The following RUNX1 variants were observed in gnomAD, a reference collection of about 807,000 sequenced individuals.
RUNX1 encodes the protein RUNX family transcription factor 1.
In RUNX1, 19 loss-of-function variants were observed where a neutral mutation model predicts 42.8. The observed-to-expected ratio is 0.44, with a 90% CI of 0.31 to 0.65. RUNX1 has a LOEUF of 0.65. Ranked by LOEUF, RUNX1 falls within the 30% of genes least tolerant of loss-of-function variation. The pLI, the probability that RUNX1 is intolerant of heterozygous loss-of-function variation, is 0.07. For synonymous variants in RUNX1, 271 were observed against 289.4 expected (o/e 0.94, Z 0.64); for missense variants, 528 against 672.0 (o/e 0.79, Z 2.37).
chr21:34,836,690 T>A (rs1369249592), intron 6 of RUNX1, among the ~76,000 whole-genome samples: 1 of 152,230 alleles, frequency 6.6e-6, no homozygotes, highest in Non-Finnish European at 1.5e-5. Context: ...CGGCAAAGGC[T>A]GCCGGCAGGT....
intron 2 of RUNX1, among the ~76,000 whole-genome samples, chr21:35,003,758 C>G (rs1161044970): frequency 6.6e-6 from 1 of 152,186 alleles, no homozygotes; most frequent in Non-Finnish European, 1.5e-5. Context: ...CCCACTGTCT[C>G]TCTGAGAGGA....
intron 2 of RUNX1, among the ~76,000 whole-genome samples, chr21:35,041,666 T>C (rs1387984711): frequency 2.7e-5 from 4 of 150,692 alleles, no homozygotes; most frequent in Non-Finnish European, 4.4e-5. Flanking sequence ...CTTTCTTTTT[T>C]TTTTTTTTTT....
chr21:34,964,916 GCA>G (rs1282354839), intron 2 of RUNX1, among the ~76,000 whole-genome samples: 2 of 152,026 alleles, frequency 1.3e-5, no homozygotes, highest in African/African-American at 2.4e-5. Flanking sequence ...TCACACGCAT[GCA>G]CACTTATGCT....
At chr21:34,915,305 A>AGGGAAGAAT (rs1306850728) in intron 2 of RUNX1, among the ~76,000 whole-genome samples, 2 of 152,208 alleles carry the variant, frequency 1.3e-5, no homozygotes, top group African/African-American at 4.8e-5. Flanking sequence ...ATTAATGACT[A>AGGGAAGAAT]TGTGGAGACA....
chr21:35,032,127 A>C lies in RUNX1; in HGVS notation c.58+16715T>G, dbSNP rs368764621. ...TCCTACAGATTGTTTGACACATGCCACAAGCCTTGAAATGGAAAAGGAACA... is the reference window on the plus strand; with the variant it reads ...TCCTACAGATTGTTTGACACATGCCCCAAGCCTTGAAATGGAAAAGGAACA... On this transcript the variant is annotated intron_variant, in intron 2 of 8. Coordinates refer to ENST00000675419, the MANE Select transcript of RUNX1 (RefSeq NM_001754.5). Among the ~76,000 whole-genome samples, 22 of 152,328 alleles carry C rather than the reference A, an allele frequency of 1.4e-4. No homozygotes were observed. In the South Asian group the frequency reaches 4.6e-3, roughly 32 times the overall value.
In RUNX1 at chr21:34,821,574, T is replaced by C. The variant is rs2018329; in HGVS notation, c.805+12836A>G. ...CTCATAACGTGCATTCTGAGGGCTG[T>C]CATCTTTCTTCTGAGTCTCTTCTGA... On this transcript the variant is annotated intron_variant, in intron 7 of 8. Coordinates refer to ENST00000675419, the MANE Select transcript of RUNX1 (RefSeq NM_001754.5). 0.89 allele frequency: 1,376,741 copies of C among 1,543,860 alleles called. 617,398 individuals are homozygous for C. The highest frequency in any genetic ancestry group is 1 in the East Asian group (40,717 of 40,778).
intron 2 of RUNX1, among the ~76,000 whole-genome samples, chr21:34,982,714 C>T (rs547403696): frequency 2.0e-5 from 3 of 152,038 alleles, no homozygotes; most frequent in Admixed American, 6.6e-5. Context: ...GGATTACAGG[C>T]GCGTGCCACA....
chr21:34,900,853 T>C (rs573776463), intron 2 of RUNX1, among the ~76,000 whole-genome samples: 1 of 152,356 alleles, frequency 6.6e-6, no homozygotes, highest in African/African-American at 2.4e-5. Context: ...AATTGGAGGT[T>C]CTATTTTTAA....
At chr21:34,810,672 A>T (rs1218490387) in intron 7 of RUNX1, among the ~76,000 whole-genome samples, 20 of 152,052 alleles carry the variant, frequency 1.3e-4, no homozygotes, top group African/African-American at 4.8e-4. Flanking sequence ...CCATAAGGAG[A>T]TGTTATTGCA....
At chr21:34,986,464 T>C (rs966398998) in intron 2 of RUNX1, among the ~76,000 whole-genome samples, 4 of 151,330 alleles carry the variant, frequency 2.6e-5, no homozygotes, top group Non-Finnish European at 4.4e-5. Flanking sequence ...CATGGTTCCC[T>C]ATGTGTCTCC....
chr21:34,967,256 G>T (rs2058726119), intron 2 of RUNX1, among the ~76,000 whole-genome samples: 1 of 137,206 alleles, frequency 7.3e-6, no homozygotes. Flanking sequence ...GGAGGTGGAG[G>T]TTGCAGTGAG....
intron 2 of RUNX1, among the ~76,000 whole-genome samples, chr21:34,961,398 A>G (rs1022510317): frequency 6.6e-5 from 10 of 152,002 alleles, no homozygotes; most frequent in Admixed American, 5.2e-4. Flanking sequence ...AATAATAACA[A>G]TAACAGAAAC....
At chr21:35,010,792 TG>T (rs1160864752) in intron 2 of RUNX1, among the ~76,000 whole-genome samples, 3 of 152,174 alleles carry the variant, frequency 2.0e-5, no homozygotes, top group African/African-American at 7.2e-5. Flanking sequence ...ATTTTCAATG[TG>T]AAAATAAAAT....
chr21:34,957,522 G>A (rs2058653138), intron 2 of RUNX1, among the ~76,000 whole-genome samples: 1 of 152,142 alleles, frequency 6.6e-6, no homozygotes, highest in Non-Finnish European at 1.5e-5. Flanking sequence ...TACCTCTCCA[G>A]TGCCACCTGG....
In RUNX1 at chr21:34,788,131, C is replaced by T. The variant is rs911720017; in HGVS notation, c.*4004G>A. On this transcript the variant is annotated 3_prime_UTR_variant, in exon 9 of 9. Transcript: ENST00000675419. ...GTTCCCCTTTAAGAAGCATTCCATA[C>T]GTTTGTACCAGGGAGAAAGAAGCCC... The T allele has an allele frequency of 2.6e-5, 6 of 233,354 alleles. No homozygotes were observed. The highest frequency in any genetic ancestry group is 1.1e-4 in the African/African-American group (5 of 45,464). 14.5% of individuals were successfully genotyped at this position (233,354 alleles called of 1,614,324 possible). A position where few individuals can be genotyped will look rare whatever the true frequency, so the allele number is the denominator to read the frequency against.
chr21:34,850,809 A>C (rs957534792), intron 6 of RUNX1, among the ~76,000 whole-genome samples: 2 of 152,202 alleles, frequency 1.3e-5, no homozygotes, highest in African/African-American at 4.8e-5. Flanking sequence ...TAAAAAAAAA[A>C]GTGTACCATT....
At chr21:35,033,377 G>A (rs1050741986) in intron 2 of RUNX1, among the ~76,000 whole-genome samples, 2 of 152,220 alleles carry the variant, frequency 1.3e-5, no homozygotes, top group Non-Finnish European at 2.9e-5. Flanking sequence ...AGCTACCAAT[G>A]AGCATCCTAG....
At chr21:34,957,213 T>G (rs940359617) in intron 2 of RUNX1, among the ~76,000 whole-genome samples, 4 of 152,230 alleles carry the variant, frequency 2.6e-5, no homozygotes, top group Non-Finnish European at 5.9e-5. Flanking sequence ...ATTTGCCAAC[T>G]GCTTTGAAGA....
chr21:34,815,783 A>T (rs1601381010), intron 7 of RUNX1, among the ~76,000 whole-genome samples: 1 of 152,220 alleles, frequency 6.6e-6, no homozygotes, highest in Non-Finnish European at 1.5e-5. Context: ...AAGCAGGGTC[A>T]GGATTCAGAA....
Sources: allele counts gnomAD v4.1 joint callset (sites outside exome capture counted in the v4.1 genomes callset), GRCh38; gene constraint gnomAD v4.1.1; transcripts MANE v1.5; gene names NCBI Gene and HGNC (gene_info 2026-07-23, HGNC 2026-07-21).